The following MPST variants were observed in gnomAD, a reference collection of about 807,000 sequenced individuals.
MPST encodes 3-mercaptopyruvate sulfurtransferase.
MPST carries 27 observed loss-of-function variants against 28.5 expected under a neutral mutation model. That is an observed-to-expected ratio of 0.95 (90% confidence interval 0.70 to 1.31). The LOEUF (loss-of-function observed/expected upper bound fraction) is 1.31. Ranked by LOEUF, MPST falls within the 50% of genes most tolerant of loss-of-function variation. The pLI is 0.00. For missense variants in MPST, 492 were observed against 471.1 expected, an observed-to-expected ratio of 1.04 and a Z score of -0.41; for synonymous variants, 204 against 209.3, an observed-to-expected ratio of 0.97 and a Z score of 0.22.
In MPST at chr22:37,024,777, AGGTTCCGC is replaced by A; in HGVS notation, c.625_632del (p.Phe209HisfsTer10). The A allele has an allele frequency of 1.2e-6, 2 of 1,602,878 alleles. No individual in the cohort carries two copies. The highest frequency in any genetic ancestry group is 1.7e-6 in the Non-Finnish European group (2 of 1,179,676). On this transcript the variant is annotated frameshift_variant, in exon 2 of 3. Coordinates refer to ENST00000429360, the MANE Select transcript of MPST (RefSeq NM_021126.8). LOFTEE classifies it high-confidence loss of function. ...GGTGGTGGACTCCCGAGCCACTGGCAGGTTCCGCGGCACCGAGCCCGAGCCCCGAGACG... is the reference window on the plus strand; with the variant it reads ...GGTGGTGGACTCCCGAGCCACTGGCAGGCACCGAGCCCGAGCCCCGAGACG...
intron 1 of MPST, 26 bp from the exon 2 acceptor site, chr22:37,024,166 C>G (rs1173662671): frequency 3.6e-6 from 5 of 1,372,730 alleles, no homozygotes; most frequent in Non-Finnish European, 4.7e-6. Context: ...CCCTGCTTCC[C>G]TTCTGACATC....
intron 2 of MPST, chr22:37,028,977 A>G (rs1923706726): frequency 7.8e-6 from 4 of 510,458 alleles, no homozygotes; most frequent in African/African-American, 1.9e-5. Context: ...TCAGTCAGCA[A>G]TTTGCTAGAT....
rs1037133821 is a variant in MPST, at chr22:37,025,096, C to A, written c.655+286C>A. The A allele has an allele frequency of 3.9e-5, 58 of 1,479,460 alleles. No homozygotes were observed. In the Admixed American group the frequency reaches 1.2e-3, roughly 30 times the overall value. 91.6% of individuals were successfully genotyped at this position (1,479,460 alleles called of 1,614,324 possible). A position where few individuals can be genotyped will look rare whatever the true frequency, so the allele number is the denominator to read the frequency against. On this transcript the variant is annotated intron_variant, in intron 2 of 2. Transcript: ENST00000429360. ...GGCTCAGGTGACCCTCCCCGCTCAG[C>A]CTGACCTTGCCTTTAAAGGCCACTG...
chr22:37,019,863 C>T lies in MPST; in HGVS notation c.27C>T (p.Ser9=). Residue 9 remains serine (S), a synonymous_variant, in exon 1 of 3, where the codon TCC becomes TCT. Transcript: ENST00000429360. The part of the protein sequence containing the change: MAEPGSRE[S]ETRARSPSVA... ...TGGCGGAGCCAGGAAGCCGGGAGTC[C>T]GAGACCCGGGTAACTGCCGCGGCGT... The T allele has an allele frequency of 1.6e-6, 2 of 1,222,362 alleles. No homozygotes were observed. The highest frequency in any genetic ancestry group is 2.0e-6 in the Non-Finnish European group (2 of 976,276). 75.7% of individuals were successfully genotyped at this position (1,222,362 alleles called of 1,614,324 possible). A position where few individuals can be genotyped will look rare whatever the true frequency, so the allele number is the denominator to read the frequency against.
rs1240964419 is a variant in MPST at position 37,024,809 on chromosome 22, C to CGGTAACGCGGGGGAAGGGGGCAG, written c.655+1_655+23dup. On this transcript the variant is annotated frameshift_variant and splice_region_variant, in exon 2 of 3. Transcript: ENST00000429360. LOFTEE classifies it high-confidence loss of function. The stretch of plus-strand genomic sequence containing the variant: ...GCGGCACCGAGCCCGAGCCCCGAGA[C>CGGTAACGCGGGGGAAGGGGGCAG]GGTAACGCGGGGGAAGGGGGCAGGA... 1 of 1,603,424 alleles carries CGGTAACGCGGGGGAAGGGGGCAG rather than the reference C, an allele frequency of 6.2e-7. No homozygotes were observed. Among genetic ancestry groups the CGGTAACGCGGGGGAAGGGGGCAG allele is most frequent in the Admixed American group, 1.7e-5 (1 of 59,884 alleles).
At chr22:37,023,943 TG>T in intron 1 of MPST, 2 of 1,526,198 alleles carry the variant, frequency 1.3e-6, no homozygotes, top group South Asian at 1.2e-5. Context: ...GGGCGTGGCC[TG>T]GGGCTCTCCG....
Position 37,024,647 on chromosome 22 carries a change from C to G in MPST, c.492C>G (p.Ser164=), listed in dbSNP as rs984182677. The part of the protein sequence containing the change: ...HWLRQNLPLS[S]GKSQPAPAEF... ...TGCGCCAGAACCTCCCGCTCAGCTC[C>G]GGCAAGAGCCAACCTGCTCCCGCCG... The change falls in exon 2 of 3, where the codon TCC becomes TCG. Residue 164 remains serine (S), a synonymous_variant. Transcript: ENST00000429360. 2 of 1,593,280 alleles carry G rather than the reference C, an allele frequency of 1.3e-6. No individual in the cohort carries two copies. The highest frequency in any genetic ancestry group is 1.7e-4 in the Middle Eastern group (1 of 6,056).
Position 37,024,502 on chromosome 22 carries a change from A to G in MPST, c.347A>G (p.His116Arg), listed in dbSNP as rs767918500. 3 of 1,562,824 alleles carry G rather than the reference A, an allele frequency of 1.9e-6. No homozygotes were observed. In the African/African-American group the frequency reaches 4.1e-5, roughly 21 times the overall value. The change falls in exon 2 of 3, where the codon CAC becomes CGC. Residue 116 changes from histidine (H) to arginine (R), a missense_variant. Physicochemically the swap from His to Arg is conservative, Grantham distance 29 (BLOSUM62 0). Coordinates refer to ENST00000429360, the MANE Select transcript of MPST (RefSeq NM_021126.8). Reference protein sequence around the residue: ...AGRLGVGAATHVVIYDASDQG... With the variant: ...AGRLGVGAATRVVIYDASDQG... Reference sequence around the variant, plus strand: ...CGCCTGGGCGTGGGCGCGGCCACCCACGTCGTGATCTACGACGCCAGCGAC... The same window carrying G: ...CGCCTGGGCGTGGGCGCGGCCACCCGCGTCGTGATCTACGACGCCAGCGAC...
chr22:37,028,945 G>A, intron 2 of MPST: 1 of 443,852 alleles, frequency 2.3e-6, no homozygotes, highest in South Asian at 2.6e-5. Flanking sequence ...AAACCTTGGG[G>A]CCCAGTTCTT....
intron 1 of MPST, 77 bp from the exon 2 acceptor site, chr22:37,024,115 C>A (rs1354361916): frequency 3.0e-6 from 4 of 1,327,636 alleles, no homozygotes; most frequent in Non-Finnish European, 3.9e-6. Context: ...CCGGCCCTCG[C>A]CCATGCTCCA....
In MPST at chr22:37,029,353, G is replaced by C. The variant is rs762471056; in HGVS notation, c.793G>C (p.Val265Leu). ...GAAAGTGGACCTGTCTAAGCCACTG[G>C]TGGCCACGTGTGGCTCTGGCGTCAC... ...EKKVDLSKPL[V>L]ATCGSGVTAC... Residue 265 changes from valine to leucine, a missense_variant, in exon 3 of 3, where the codon GTG becomes CTG. Val to Leu is a conservative substitution (Grantham distance 32). Coordinates refer to ENST00000429360, the MANE Select transcript of MPST (RefSeq NM_021126.8). 1.2e-6 allele frequency: 2 copies of C among 1,614,086 alleles called. No individual in the cohort carries two copies. The highest frequency in any genetic ancestry group is 4.5e-5 in the East Asian group (2 of 44,870).
intron 2 of MPST, chr22:37,028,321 T>G (rs1286954261): frequency 2.0e-5 from 3 of 152,110 alleles, no homozygotes; most frequent in Non-Finnish European, 4.4e-5. Flanking sequence ...TCATCTGAGG[T>G]CAGGAGTTCG....
In MPST at chr22:37,024,537, T is replaced by C; in HGVS notation, c.382T>C (p.Tyr128His). 1 of 1,570,122 alleles carries C rather than the reference T, an allele frequency of 6.4e-7. No homozygotes were observed. The highest frequency in any genetic ancestry group is 1.3e-5 in the African/African-American group (1 of 74,138). Residue 128 changes from tyrosine to histidine, a missense_variant, in exon 2 of 3, where the codon TAC becomes CAC. Physicochemically the swap from Tyr to His is moderately conservative, Grantham distance 83. Transcript: ENST00000429360. ...CTACGACGCCAGCGACCAGGGCCTC[T>C]ACTCCGCCCCGCGCGTCTGGTGGAT... The part of the protein sequence containing the change: ...VIYDASDQGL[Y>H]SAPRVWWMFR...
intron 1 of MPST, 170 bp from the exon 2 acceptor site, chr22:37,024,022 G>T: frequency 7.6e-7 from 1 of 1,315,250 alleles, no homozygotes; most frequent in African/African-American, 1.5e-5. Flanking sequence ...GAGGCCCCTG[G>T]CTACCCACCT....
chr22:37,024,543 G>A lies in MPST; in HGVS notation c.388G>A (p.Ala130Thr), dbSNP rs1266197459. 6.4e-7 allele frequency: 1 copy of A among 1,571,128 alleles called. No individual in the cohort carries two copies. ...YDASDQGLYS[A>T]PRVWWMFRAF... ...CGCCAGCGACCAGGGCCTCTACTCC[G>A]CCCCGCGCGTCTGGTGGATGTTCCG... The change falls in exon 2 of 3, where the codon GCC (alanine) becomes ACC (threonine). Residue 130 changes from alanine (A) to threonine (T), a missense_variant. By Grantham distance (58) the Ala-to-Thr change is moderately conservative. Transcript: ENST00000429360.
rs1601465064 is a variant in MPST, at chr22:37,029,691, A to C, written c.*177A>C. 1 of 696,260 alleles carries C rather than the reference A, an allele frequency of 1.4e-6. No homozygotes were observed. The allele number at this position is 696,260 out of a possible 1,614,324, so 43.1% of individuals were successfully genotyped here. ...CTTGTTGGCTGCCAGTAGGGGCGGG[A>C]GGAAAGGCGGAGGCGAGCCCTGGAG... is the stretch of plus-strand genomic sequence containing the variant. On this transcript the variant is annotated 3_prime_UTR_variant, in exon 3 of 3. Transcript: ENST00000429360.
rs1238635134 is a variant in MPST at position 37,024,478 on chromosome 22, G to T, written c.323G>T (p.Arg108Leu). The change falls in exon 2 of 3, where the codon CGC becomes CTC. Residue 108 changes from arginine to leucine, a missense_variant. By Grantham distance (102) the Arg-to-Leu change is moderately radical. Transcript: ENST00000429360. ...GAGCATTTCGCGGAGTACGCAGGCC[G>T]CCTGGGCGTGGGCGCGGCCACCCAC... is the stretch of plus-strand genomic sequence containing the variant. ...GAEHFAEYAGRLGVGAATHVV... is the reference protein window; with the variant it reads ...GAEHFAEYAGLLGVGAATHVV... 3 of 1,558,262 alleles carry T rather than the reference G, an allele frequency of 1.9e-6. No homozygotes were observed. The highest frequency in any genetic ancestry group is 1.9e-5 in the Admixed American group (1 of 53,410).
At chr22:37,023,230 G>C (rs775250429) in intron 1 of MPST, 2 of 152,314 alleles carry the variant, frequency 1.3e-5, no homozygotes, top group Non-Finnish European at 2.9e-5. Context: ...GAGAAGCCTG[G>C]CACCGCCGGG....
intron 1 of MPST, among the ~76,000 whole-genome samples, chr22:37,022,777 G>C (rs1048041401): frequency 6.6e-6 from 1 of 152,182 alleles, no homozygotes; most frequent in Admixed American, 6.5e-5. Flanking sequence ...CCTTCATTTC[G>C]CTGGCAGGAC....
Sources: gnomAD v4.1 joint callset for allele counts (sites outside exome capture counted in the v4.1 genomes callset) on GRCh38, gnomAD v4.1.1 for gene constraint, MANE v1.5 for transcripts, NCBI Gene and HGNC (gene_info 2026-07-23, HGNC 2026-07-21) for gene names.